DAP: variants seen among roughly 807,000 people sequenced by gnomAD.
DAP encodes the protein death-associated protein 1.
Under a neutral mutation model 13.8 loss-of-function variants are expected in DAP, and 8 were observed. That is an observed-to-expected ratio of 0.58 (90% CI 0.34 to 1.05). The LOEUF (loss-of-function observed/expected upper bound fraction) is 1.05, where lower values mean the gene tolerates loss of function less well. DAP is among the 50% of genes least tolerant of loss of function. DAP has a pLI of 0.03. For synonymous variants in DAP, 47 were observed against 47.5 expected, an observed-to-expected ratio of 0.99 and a Z score of 0.04; for missense variants, 106 against 133.2, an observed-to-expected ratio of 0.80 and a Z score of 1.01.
chr5:10,692,337 A>G (rs888762764), intron 2 of DAP, among the ~76,000 whole-genome samples: 2 of 152,044 alleles, frequency 1.3e-5, no homozygotes, highest in African/African-American at 4.8e-5. Context: ...AAAGCGATGC[A>G]CTCTTGTGAG....
intron 2 of DAP, among the ~76,000 whole-genome samples, chr5:10,690,469 C>T (rs1561008021): frequency 6.6e-6 from 1 of 152,224 alleles, no homozygotes; most frequent in Non-Finnish European, 1.5e-5. Context: ...TAAACACTAG[C>T]TCCCCATTCT....
intron 2 of DAP, among the ~76,000 whole-genome samples, chr5:10,685,083 C>T (rs1738122976): frequency 6.6e-6 from 1 of 152,184 alleles, no homozygotes; most frequent in African/African-American, 2.4e-5. Flanking sequence ...TCAAAAGTCC[C>T]AGCATTCCGA....
intron 2 of DAP, among the ~76,000 whole-genome samples, chr5:10,693,651 C>A (rs1180521774): frequency 6.6e-6 from 1 of 152,194 alleles, no homozygotes; most frequent in Non-Finnish European, 1.5e-5. Flanking sequence ...AGACTTGGAA[C>A]GAGGGCTGTA....
At chr5:10,715,565 C>T (rs267982) in intron 2 of DAP, among the ~76,000 whole-genome samples, 73,939 of 152,162 alleles carry the variant, frequency 0.49, 19,763 homozygotes, top group Non-Finnish European at 0.6. Flanking sequence ...CCTGAAGACC[C>T]AGCAAAGGTA....
At chr5:10,741,338 GTGAGAC>G (rs1739749267) in intron 2 of DAP, among the ~76,000 whole-genome samples, 1 of 152,330 alleles carries the variant, frequency 6.6e-6, no homozygotes, top group Admixed American at 6.5e-5. Flanking sequence ...GGGTGGCAGA[GTGAGAC>G]CCTGTCTCAA....
chr5:10,683,354 G>T, intron 3 of DAP, 175 bp downstream of exon 3: 4 of 743,862 alleles, frequency 5.4e-6, no homozygotes, highest in Non-Finnish European at 9.5e-6. Flanking sequence ...CTGGCCTGCG[G>T]TCTGCAGAAG....
chr5:10,688,130 GGTCTCGAAC>G (rs1360065006), intron 2 of DAP, among the ~76,000 whole-genome samples: 1 of 151,986 alleles, frequency 6.6e-6, no homozygotes, highest in Non-Finnish European at 1.5e-5. Flanking sequence ...TTGCCAGGCT[GGTCTCGAAC>G]TCCTGGCCTC....
intron 2 of DAP, among the ~76,000 whole-genome samples, chr5:10,721,369 G>A (rs887307885): frequency 6.6e-6 from 1 of 152,168 alleles, no homozygotes; most frequent in Non-Finnish European, 1.5e-5. Flanking sequence ...GCTACCAGGA[G>A]ACACAACAAT....
At chr5:10,692,688 C>T (rs1270186007) in intron 2 of DAP, among the ~76,000 whole-genome samples, 2 of 152,286 alleles carry the variant, frequency 1.3e-5, no homozygotes, top group African/African-American at 4.8e-5. Context: ...GTACGCGACA[C>T]CCCACATGTA....
intron 1 of DAP, among the ~76,000 whole-genome samples, chr5:10,757,729 C>T (rs538478357): frequency 1.1e-4 from 17 of 152,294 alleles, no homozygotes; most frequent in South Asian, 4.1e-4. Flanking sequence ...GCTGCCTGAA[C>T]CGGCCAAGAG....
intron 2 of DAP, among the ~76,000 whole-genome samples, chr5:10,739,274 A>G (rs1739696002): frequency 6.7e-6 from 1 of 149,624 alleles, no homozygotes; most frequent in Admixed American, 6.7e-5. Context: ...ATTTTACCAT[A>G]TGAGGAATAT....
chr5:10,702,399 T>G (rs1738602087), intron 2 of DAP, among the ~76,000 whole-genome samples: 1 of 152,136 alleles, frequency 6.6e-6, no homozygotes, highest in Non-Finnish European at 1.5e-5. Flanking sequence ...CGATTAGAGA[T>G]AGTGGATTTA....
chr5:10,695,141 G>T (rs951622001), intron 2 of DAP, among the ~76,000 whole-genome samples: 1 of 152,250 alleles, frequency 6.6e-6, no homozygotes, highest in East Asian at 1.9e-4. Flanking sequence ...ATTGCACCCA[G>T]ACATTTCTGG....
At chr5:10,692,218 T>TA (rs1738325320) in intron 2 of DAP, among the ~76,000 whole-genome samples, 1 of 134,938 alleles carries the variant, frequency 7.4e-6, no homozygotes, top group African/African-American at 3.0e-5. Context: ...GTAACTCATA[T>TA]AAAAATTGAG....
intron 2 of DAP, among the ~76,000 whole-genome samples, chr5:10,729,884 T>C (rs927163410): frequency 2.0e-5 from 3 of 152,238 alleles, no homozygotes; most frequent in East Asian, 1.9e-4. Context: ...CAGCATGCAC[T>C]TGTGGGCCCA....
chr5:10,736,950 C>T (rs1646349429), intron 2 of DAP, among the ~76,000 whole-genome samples: 1 of 152,242 alleles, frequency 6.6e-6, no homozygotes, highest in South Asian at 2.1e-4. Context: ...TGCGGCTCTG[C>T]CTTTGGCCAG....
intron 2 of DAP, among the ~76,000 whole-genome samples, chr5:10,691,550 T>G (rs1446447063): frequency 6.6e-6 from 1 of 152,196 alleles, no homozygotes; most frequent in African/African-American, 2.4e-5. Context: ...TAACCTACAT[T>G]TCTCAAGTCT....
intron 3 of DAP, among the ~76,000 whole-genome samples, chr5:10,681,373 G>C (rs375014712): frequency 1.1e-5 from 1 of 88,020 alleles, no homozygotes; most frequent in Non-Finnish European, 2.4e-5. Context: ...GCCCACCAGC[G>C]CCCCTGCAGG....
rs944994280 is a variant in DAP at position 10,680,964 on chromosome 5, T to C, written c.*92A>G. Reference sequence around the variant, plus strand: ...TTTTGCCTTAGATTTCCCAGCAGAGTAGGATTTGGGCGAAACTGCTGGTTC... The same window carrying C: ...TTTTGCCTTAGATTTCCCAGCAGAGCAGGATTTGGGCGAAACTGCTGGTTC... On this transcript the variant is annotated 3_prime_UTR_variant, in exon 4 of 4. Transcript: ENST00000230895. 1 of 1,543,758 alleles carries C rather than the reference T, an allele frequency of 6.5e-7. No homozygotes were observed. Among genetic ancestry groups the C allele is most frequent in the African/African-American group, 1.4e-5 (1 of 73,144 alleles).
Sources: allele counts gnomAD v4.1 joint callset (sites outside exome capture counted in the v4.1 genomes callset), GRCh38; gene constraint gnomAD v4.1.1; transcripts MANE v1.5; gene names NCBI Gene and HGNC (gene_info 2026-07-23, HGNC 2026-07-21).